The following HPCAL1 variants were observed in gnomAD, a reference collection of about 807,000 sequenced individuals.
HPCAL1 encodes hippocalcin-like protein 1.
HPCAL1 carries 8 observed loss-of-function variants against 17.1 expected under a neutral mutation model. The observed-to-expected ratio is 0.47, with a 90% CI of 0.27 to 0.84. HPCAL1 has a LOEUF of 0.84. HPCAL1 is among the 40% of genes least tolerant of loss of function. The pLI is 0.13. For synonymous variants in HPCAL1, 112 were observed against 111.4 expected, an observed-to-expected ratio of 1.01 and a Z score of -0.03; for missense variants, 165 against 271.1, an observed-to-expected ratio of 0.61 and a Z score of 2.75.
intron 1 of HPCAL1, among the ~76,000 whole-genome samples, chr2:10,340,162 G>A (rs1394628973): frequency 6.6e-6 from 1 of 152,236 alleles, no homozygotes; most frequent in Non-Finnish European, 1.5e-5. Flanking sequence ...CAACAAAGCG[G>A]AAGGAAGACA....
At chr2:10,410,940 C>T (rs142150668) in intron 2 of HPCAL1, among the ~76,000 whole-genome samples, 2,610 of 151,758 alleles carry the variant, frequency 0.017, 69 homozygotes, top group African/African-American at 0.06. Context: ...CCCCGCCCCC[C>T]GTTTCTTGTG....
In HPCAL1 at chr2:10,359,906, G is replaced by T. The variant is rs980642989; in HGVS notation, c.-110-36929G>T. Among the ~76,000 whole-genome samples the T allele has an allele frequency of 4.1e-5, 6 of 147,662 alleles. No homozygotes were observed. The highest frequency in any genetic ancestry group is 7.4e-5 in the Non-Finnish European group (5 of 67,482). On this transcript the variant is annotated intron_variant, in intron 1 of 4. Coordinates refer to ENST00000307845, the MANE Select transcript of HPCAL1 (RefSeq NM_002149.4). The surrounding 1 kb of genome is among the most constrained non-coding windows in gnomAD (Gnocchi z 4.1). ...TGCCTCCTTCCACAGTGCCCGCCGG[G>T]TCCACAGCGCCCGCCGGGTCCACAG... is the stretch of plus-strand genomic sequence containing the variant.
At chr2:10,409,387 A>G (rs1261265403) in intron 2 of HPCAL1, among the ~76,000 whole-genome samples, 1 of 152,188 alleles carries the variant, frequency 6.6e-6, no homozygotes, top group Non-Finnish European at 1.5e-5. Flanking sequence ...CAGCCGGCAC[A>G]GCCTCCCCGC....
At chr2:10,366,039 C>T (rs1211559335) in intron 1 of HPCAL1, among the ~76,000 whole-genome samples, 5 of 152,166 alleles carry the variant, frequency 3.3e-5, no homozygotes, top group South Asian at 2.1e-4. Context: ...GCACGCCTCC[C>T]GCAGCGTTGT....
In HPCAL1 at chr2:10,343,945, C is replaced by A. The variant is rs1665247545; in HGVS notation, c.-111+40768C>A. On this transcript the variant is annotated intron_variant, in intron 1 of 4. Transcript: ENST00000307845. The surrounding 1 kb of genome is among the most constrained non-coding windows in gnomAD (Gnocchi z 4.8). ...CTCCATGCCTCCTGGGAGGCTGCAC[C>A]TCTTGGGATATAGAGAACGCTGGCT... 6.6e-6 allele frequency among the ~76,000 whole-genome samples: 1 copy of A among 152,160 alleles called. No individual in the cohort carries two copies. The highest frequency in any genetic ancestry group is 2.4e-5 in the African/African-American group (1 of 41,436).
chr2:10,406,322 A>C (rs1669965344), intron 2 of HPCAL1: 1 of 152,352 alleles, frequency 6.6e-6, no homozygotes, highest in South Asian at 2.1e-4. Flanking sequence ...GTCCCATCCC[A>C]GCTGACCTCT....
chr2:10,402,061 G>A lies in HPCAL1; in HGVS notation c.-25+5141G>A, dbSNP rs570674586. Among the ~76,000 whole-genome samples, 189 of 152,216 alleles carry A rather than the reference G, an allele frequency of 1.2e-3. 1 individual carries two copies. Among genetic ancestry groups the A allele is most frequent in the Non-Finnish European group, 2.8e-4 (19 of 68,022 alleles). ...ATTACAGGCGCGCACCACCACGCCC[G>A]GCTAATTTTTGTATTTTGAGTAGAG... On this transcript the variant is annotated intron_variant, in intron 2 of 4. Coordinates refer to ENST00000307845, the MANE Select transcript of HPCAL1 (RefSeq NM_002149.4).
rs751581622 is a variant in HPCAL1, at chr2:10,374,087, C to T, written c.-110-22748C>T. ...GGCCCGCCTGCTTCCCCACAGGCAG[C>T]GGCTCTTGCTTCTGCTGCCTGCAGT... On this transcript the variant is annotated intron_variant, in intron 1 of 4. Transcript: ENST00000307845. Among the ~76,000 whole-genome samples, 133 of 152,248 alleles carry T rather than the reference C, an allele frequency of 8.7e-4. 1 individual carries two copies. The highest frequency in any genetic ancestry group is 1.9e-3 in the Admixed American group (29 of 15,294).
At chr2:10,326,510 G>A (rs1159885960) in intron 1 of HPCAL1, among the ~76,000 whole-genome samples, 6 of 152,206 alleles carry the variant, frequency 3.9e-5, no homozygotes, top group Non-Finnish European at 7.3e-5. Flanking sequence ...GCCGCCTGGG[G>A]TGCGTGCTGG....
At chr2:10,410,638 T>A (rs1319928285) in intron 2 of HPCAL1, among the ~76,000 whole-genome samples, 1 of 152,030 alleles carries the variant, frequency 6.6e-6, no homozygotes, top group African/African-American at 2.4e-5. Flanking sequence ...TGAATCTTTT[T>A]AAGCCGAGCA....
intron 1 of HPCAL1, among the ~76,000 whole-genome samples, chr2:10,329,280 C>T (rs191587484): frequency 1.8e-4 from 27 of 152,308 alleles, no homozygotes; most frequent in African/African-American, 5.8e-4. Flanking sequence ...TTGCCTTATA[C>T]GGTAAAGGGC....
chr2:10,368,840 A>G (rs955831042), intron 1 of HPCAL1: 1 of 152,224 alleles, frequency 6.6e-6, no homozygotes, highest in Non-Finnish European at 1.5e-5. Context: ...GAATTGAATT[A>G]CCGACATTTC....
In HPCAL1 at chr2:10,363,966, G is replaced by C. The variant is rs948257554; in HGVS notation, c.-110-32869G>C. 6.6e-6 allele frequency among the ~76,000 whole-genome samples: 1 copy of C among 152,234 alleles called. No homozygotes were observed. The highest frequency in any genetic ancestry group is 1.5e-5 in the Non-Finnish European group (1 of 68,046). On this transcript the variant is annotated intron_variant, in intron 1 of 4. Transcript: ENST00000307845. The surrounding 1 kb of genome is among the most constrained non-coding windows in gnomAD (Gnocchi z 4.7). ...GAGGCCTGATGATTCGGGGCGCTTGGCCGGGTGGTGGGGTGGGACACCCCA... is the reference window on the plus strand; with the variant it reads ...GAGGCCTGATGATTCGGGGCGCTTGCCCGGGTGGTGGGGTGGGACACCCCA...
intron 1 of HPCAL1, among the ~76,000 whole-genome samples, chr2:10,349,702 C>A (rs1287258066): frequency 1.9e-5 from 1 of 52,730 alleles, no homozygotes; most frequent in African/African-American, 9.7e-5. Flanking sequence ...GACTCTGTCT[C>A]AAAAAAAAAA....
intron 4 of HPCAL1, chr2:10,426,205 C>T (rs560812832): frequency 6.5e-6 from 1 of 153,120 alleles, no homozygotes; most frequent in South Asian, 2.0e-4. Context: ...CTTAGCACGA[C>T]CAATCTTTTT....
chr2:10,399,208 GCACCACCACCACCAC>G lies in HPCAL1; in HGVS notation c.-25+2306_-25+2320del, dbSNP rs113515977. ...TGCACGCACAGCAAATAATATCACT[GCACCACCACCACCAC>G]CACCACCACCACCACCATCACCACC... On this transcript the variant is annotated intron_variant, in intron 2 of 4. Transcript: ENST00000307845. Among the ~76,000 whole-genome samples the G allele has an allele frequency of 1.2e-3, 6 of 5,092 alleles. 1 individual carries two copies. The highest frequency in any genetic ancestry group is 2.0e-3 in the African/African-American group (3 of 1,522). 3.3% of individuals were successfully genotyped at this position (5,092 alleles called of 152,430 possible).
chr2:10,335,643 G>A (rs927743084), intron 1 of HPCAL1, among the ~76,000 whole-genome samples: 1 of 152,190 alleles, frequency 6.6e-6, no homozygotes, highest in African/African-American at 2.4e-5. Flanking sequence ...ATATTTAGCA[G>A]TGGAATTGCC....
intron 1 of HPCAL1, among the ~76,000 whole-genome samples, chr2:10,348,600 CAAAAAAAA>C (rs56194796): frequency 6.9e-6 from 1 of 144,346 alleles, no homozygotes. Context: ...CCTGTCTCTA[CAAAAAAAA>C]AAAAATATAT....
chr2:10,408,089 C>A (rs75428119), intron 2 of HPCAL1, among the ~76,000 whole-genome samples: 7,078 of 152,268 alleles, frequency 0.046, 228 homozygotes, highest in Middle Eastern at 0.12. Context: ...CCCACACATT[C>A]CTCTTCCTGT....
Sources: allele counts gnomAD v4.1 joint callset (sites outside exome capture counted in the v4.1 genomes callset), GRCh38; gene constraint gnomAD v4.1.1; non-coding constraint Gnocchi (gnomAD v3.1); transcripts MANE v1.5; gene names NCBI Gene and HGNC (gene_info 2026-07-23, HGNC 2026-07-21).